SNX13: variants seen among roughly 807,000 people sequenced by gnomAD.
SNX13 encodes sorting nexin-13.
In SNX13, 45 loss-of-function variants were observed where a neutral mutation model predicts 133.6. The ratio of observed to expected loss-of-function variants is 0.34; its 90% CI spans 0.27 to 0.43. SNX13 has a LOEUF of 0.43. Ranked by LOEUF, SNX13 falls within the 20% of genes least tolerant of loss-of-function variation. SNX13 has a pLI of 1.00. For synonymous variants in SNX13, 414 were observed against 373.9 expected, an observed-to-expected ratio of 1.11 and a Z score of -1.24; for missense variants, 1,032 against 1,145.1, an observed-to-expected ratio of 0.90 and a Z score of 1.43.
At chr7:17,891,515 T>C (rs528210241) in intron 4 of SNX13, 31 bp downstream of exon 4, 61 of 1,518,638 alleles carry the variant, frequency 4.0e-5, no homozygotes, top group Non-Finnish European at 4.8e-5. Context: ...ACACAATATA[T>C]AGAATTCAAA....
At chr7:17,871,371 G>A (rs1246628898) in intron 8 of SNX13, among the ~76,000 whole-genome samples, 4 of 152,162 alleles carry the variant, frequency 2.6e-5, no homozygotes, top group Non-Finnish European at 5.9e-5. Flanking sequence ...ACTTTTGGGG[G>A]AAAATGCCAG....
intron 1 of SNX13, among the ~76,000 whole-genome samples, chr7:17,934,261 CAATT>C (rs1278535616): frequency 7.9e-5 from 12 of 152,140 alleles, no homozygotes; most frequent in Non-Finnish European, 7.3e-5. Context: ...AGATTACAAT[CAATT>C]GAGGAGGCAC....
intron 1 of SNX13, among the ~76,000 whole-genome samples, chr7:17,932,510 G>A (rs1313117305): frequency 6.6e-6 from 1 of 152,022 alleles, no homozygotes; most frequent in African/African-American, 2.4e-5. Flanking sequence ...AATTTTTCTT[G>A]AGGAAATATT....
intron 1 of SNX13, among the ~76,000 whole-genome samples, chr7:17,913,459 G>C (rs1462746821): frequency 1.3e-5 from 2 of 152,194 alleles, no homozygotes; most frequent in Admixed American, 1.3e-4. Context: ...CCTCTGCTGA[G>C]GGTAAGCATG....
chr7:17,834,207 T>A (rs778663076), intron 14 of SNX13, 23 bp from the exon 15 acceptor site: 1 of 1,539,528 alleles, frequency 6.5e-7, no homozygotes, highest in Non-Finnish European at 8.8e-7. Context: ...AATCAAGATA[T>A]TCAACAATTA....
intron 13 of SNX13, among the ~76,000 whole-genome samples, chr7:17,837,881 C>A (rs879551466): frequency 7.3e-5 from 11 of 151,024 alleles, no homozygotes; most frequent in Admixed American, 4.6e-4. Flanking sequence ...AAATAGGAGT[C>A]ATTTTGCTCA....
At chr7:17,878,451 G>A (rs139724329) in intron 5 of SNX13, among the ~76,000 whole-genome samples, 18 of 152,126 alleles carry the variant, frequency 1.2e-4, no homozygotes, top group African/African-American at 4.3e-4. Context: ...AAATTAAGAA[G>A]GTTAACTAGG....
intron 2 of SNX13, among the ~76,000 whole-genome samples, chr7:17,894,226 C>G (rs977420109): frequency 7.9e-5 from 12 of 151,482 alleles, no homozygotes; most frequent in African/African-American, 2.9e-4. Flanking sequence ...TTGCTTGAAC[C>G]GGGGAGGCAG....
rs1264833684 is a variant in SNX13, at chr7:17,792,088, C to A, written c.*1957G>T. ...ATATAGAAATGCTTTTTCACATGTACACGTTAGGGTCTTACATGAATTATT... is the reference window on the plus strand; with the variant it reads ...ATATAGAAATGCTTTTTCACATGTAAACGTTAGGGTCTTACATGAATTATT... On this transcript the variant is annotated 3_prime_UTR_variant, in exon 26 of 26. Transcript: ENST00000428135. The A allele has an allele frequency of 6.6e-6, 1 of 152,014 alleles. No individual in the cohort carries two copies. The highest frequency in any genetic ancestry group is 1.5e-5 in the Non-Finnish European group (1 of 67,948). 9.4% of individuals were successfully genotyped at this position (152,014 alleles called of 1,614,324 possible). A position where few individuals can be genotyped will look rare whatever the true frequency, so the allele number is the denominator to read the frequency against.
intron 5 of SNX13, among the ~76,000 whole-genome samples, chr7:17,879,127 G>A (rs1173999492): frequency 6.6e-6 from 1 of 152,126 alleles, no homozygotes; most frequent in Non-Finnish European, 1.5e-5. Context: ...ACAACCTACA[G>A]TTGAATTATT....
At chr7:17,936,013 C>T (rs940300704) in intron 1 of SNX13, among the ~76,000 whole-genome samples, 2 of 152,110 alleles carry the variant, frequency 1.3e-5, no homozygotes, top group Admixed American at 1.3e-4. Flanking sequence ...TGTGTGTGTT[C>T]AAAAGGACCC....
rs182515440 is a variant in SNX13, at chr7:17,933,958, A to G, written c.12+6326T>C. 1.2e-3 allele frequency among the ~76,000 whole-genome samples: 181 copies of G among 152,356 alleles called. 4 individuals are homozygous for G. The highest frequency in any genetic ancestry group is 6.2e-4 in the Non-Finnish European group (42 of 68,030). ...TTACACAGAAGGAAATTAAAAGCTT[A>G]GAAAGTTCAAACTAGTTCCCCAAAA... On this transcript the variant is annotated intron_variant, in intron 1 of 25. Coordinates refer to ENST00000428135, the MANE Select transcript of SNX13 (RefSeq NM_015132.5).
At chr7:17,853,042 T>A (rs1320283285) in intron 9 of SNX13, among the ~76,000 whole-genome samples, 1 of 152,136 alleles carries the variant, frequency 6.6e-6, no homozygotes, top group African/African-American at 2.4e-5. Flanking sequence ...GAAGGAAGTA[T>A]AAAAGAGTTG....
chr7:17,794,312 A>G lies in SNX13; in HGVS notation c.2627-20T>C. The G allele has an allele frequency of 1.3e-6, 2 of 1,598,858 alleles. No homozygotes were observed. Among genetic ancestry groups the G allele is most frequent in the African/African-American group, 2.7e-5 (2 of 74,206 alleles). ...GCTCATCTAAATGAAGTGGAGGAAAACACACATAATTATTCAAAGGAAACA... is the reference window on the plus strand; with the variant it reads ...GCTCATCTAAATGAAGTGGAGGAAAGCACACATAATTATTCAAAGGAAACA... On this transcript the variant is annotated intron_variant, in intron 25 of 25. Transcript: ENST00000428135.
intron 16 of SNX13, 45 bp from the exon 17 acceptor site, chr7:17,826,136 G>C (rs1562710575): frequency 8.0e-7 from 1 of 1,254,414 alleles, no homozygotes; most frequent in South Asian, 1.4e-5. Context: ...ATTTTATAGG[G>C]AAAAAAAAGA....
At chr7:17,818,846 T>A (rs953172854) in intron 18 of SNX13, among the ~76,000 whole-genome samples, 1 of 152,164 alleles carries the variant, frequency 6.6e-6, no homozygotes, top group African/African-American at 2.4e-5. Flanking sequence ...TTAAAATAAT[T>A]CAAAATTTGT....
chr7:17,904,128 TCAAGG>T (rs1322899591), intron 1 of SNX13, among the ~76,000 whole-genome samples: 4 of 152,338 alleles, frequency 2.6e-5, no homozygotes, highest in Middle Eastern at 6.8e-3. Flanking sequence ...TTTCTGCCTA[TCAAGG>T]CGTACTGACA....
At chr7:17,826,118 T>A in intron 16 of SNX13, 27 bp from the exon 17 acceptor site, 1 of 1,458,474 alleles carries the variant, frequency 6.9e-7, no homozygotes, top group Non-Finnish European at 9.3e-7. Context: ...AGGAAACAAA[T>A]TTTTAAAATT....
At chr7:17,856,505 G>A (rs1483146487) in intron 9 of SNX13, among the ~76,000 whole-genome samples, 1 of 152,076 alleles carries the variant, frequency 6.6e-6, no homozygotes, top group East Asian at 1.9e-4. Context: ...TAGAGCAGCT[G>A]AATGTAGGCC....
Sources: gnomAD v4.1 joint callset for allele counts (sites outside exome capture counted in the v4.1 genomes callset) on GRCh38, gnomAD v4.1.1 for gene constraint, MANE v1.5 for transcripts, NCBI Gene and HGNC (gene_info 2026-07-23, HGNC 2026-07-21) for gene names.